TTBK2: variants seen among roughly 807,000 people sequenced by gnomAD.
TTBK2 encodes tau tubulin kinase 2, also known as tau-tubulin kinase 2.
TTBK2 carries 28 observed loss-of-function variants against 110.8 expected under a neutral mutation model. The ratio of observed to expected loss-of-function variants is 0.25; its 90% CI spans 0.19 to 0.35. The LOEUF is 0.35. Among genes scored for constraint, TTBK2 ranks in the 10% least tolerant of loss-of-function variants. TTBK2 has a pLI of 1.00. For missense variants in TTBK2, 1,369 were observed against 1,500.3 expected (o/e 0.91, Z 1.45); for synonymous variants, 532 against 527.3 (o/e 1.01, Z -0.12).
chr15:42,864,788 T>C (rs1366146260), intron 3 of TTBK2, among the ~76,000 whole-genome samples: 1 of 152,070 alleles, frequency 6.6e-6, no homozygotes, highest in East Asian at 1.9e-4. Context: ...AACCCAGATG[T>C]GAAGAAGGAA....
chr15:42,914,254 G>C (rs1377571202), intron 1 of TTBK2, among the ~76,000 whole-genome samples: 1 of 152,032 alleles, frequency 6.6e-6, no homozygotes, highest in African/African-American at 2.4e-5. Context: ...AGGATTATAG[G>C]CATGAGCCAC....
chr15:42,815,688 G>A (rs935495026), intron 7 of TTBK2, among the ~76,000 whole-genome samples: 5 of 151,140 alleles, frequency 3.3e-5, no homozygotes, highest in African/African-American at 1.2e-4. Flanking sequence ...GTCTGCACTT[G>A]AAATCTTCAT....
intron 13 of TTBK2, among the ~76,000 whole-genome samples, chr15:42,763,187 T>C (rs1889169872): frequency 3.6e-5 from 1 of 27,738 alleles, no homozygotes; most frequent in Non-Finnish European, 6.0e-5. Flanking sequence ...TATATATATA[T>C]ATATATTTTT....
intron 1 of TTBK2, among the ~76,000 whole-genome samples, chr15:42,899,363 G>T (rs1283715900): frequency 6.6e-6 from 1 of 151,846 alleles, no homozygotes; most frequent in African/African-American, 2.4e-5. Flanking sequence ...TTGGAAACCG[G>T]GGTAGGCGGA....
At chr15:42,797,181 C>T (rs900379295) in intron 9 of TTBK2, among the ~76,000 whole-genome samples, 1 of 152,232 alleles carries the variant, frequency 6.6e-6, no homozygotes, top group Non-Finnish European at 1.5e-5. Context: ...AATCCCCATA[C>T]AGGGGAGCCT....
chr15:42,915,693 T>C (rs2031042680), intron 1 of TTBK2, among the ~76,000 whole-genome samples: 1 of 152,190 alleles, frequency 6.6e-6, no homozygotes, highest in African/African-American at 2.4e-5. Flanking sequence ...ATGCCTATAA[T>C]TCCTGCACTT....
In TTBK2 at chr15:42,812,501, G is replaced by A. The variant is rs116108831; in HGVS notation, c.604-721C>T. On this transcript the variant is annotated intron_variant, in intron 7 of 14. Transcript: ENST00000267890. Reference sequence around the variant, plus strand: ...ACTTCTGGGTGATCATGCCCTGCAGGAATGACAGAAGCAAATTTATCCTCT... The same window carrying A: ...ACTTCTGGGTGATCATGCCCTGCAGAAATGACAGAAGCAAATTTATCCTCT... Among the ~76,000 whole-genome samples, 1,305 of 152,206 alleles carry A rather than the reference G, an allele frequency of 8.6e-3. 20 individuals are homozygous for A. Among genetic ancestry groups the A allele is most frequent in the African/African-American group, 0.03 (1,236 of 41,516 alleles).
intron 11 of TTBK2, among the ~76,000 whole-genome samples, chr15:42,778,358 T>C (rs767314218): frequency 2.4e-4 from 36 of 150,174 alleles, no homozygotes; most frequent in Non-Finnish European, 4.1e-4. Flanking sequence ...CCAAAGAAAT[T>C]ACCTAGAATA....
chr15:42,830,347 C>T (rs1456904515), intron 4 of TTBK2, among the ~76,000 whole-genome samples: 3 of 151,960 alleles, frequency 2.0e-5, no homozygotes, highest in African/African-American at 7.2e-5. Context: ...GCCATCATGC[C>T]CAGCAAATTT....
Position 42,878,608 on chromosome 15 carries a change from C to G in TTBK2, c.10G>C (p.Gly4Arg). 6.2e-7 allele frequency: 1 copy of G among 1,613,858 alleles called. No homozygotes were observed. The highest frequency in any genetic ancestry group is 1.7e-4 in the Middle Eastern group (1 of 6,060). Reference sequence around the variant, plus strand: ...CTCAGGATATCCAGCTGCTCTCCTCCCCCACTCATTGCAATACACTGATAT... The same window carrying G: ...CTCAGGATATCCAGCTGCTCTCCTCGCCCACTCATTGCAATACACTGATAT... Reference protein sequence around the residue: MSGGGEQLDILSVG... With the variant: MSGRGEQLDILSVG... The change falls in exon 2 of 15, where the codon GGA (glycine) becomes CGA (arginine). Residue 4 changes from glycine (G) to arginine (R), a missense_variant. Gly to Arg is a moderately radical substitution (Grantham distance 125). Coordinates refer to ENST00000267890, the MANE Select transcript of TTBK2 (RefSeq NM_173500.4).
intron 6 of TTBK2, among the ~76,000 whole-genome samples, chr15:42,821,396 ACTTTT>A (rs1384014720): frequency 6.6e-5 from 10 of 152,182 alleles, no homozygotes; most frequent in Admixed American, 6.5e-5. Context: ...AATTTGCTTT[ACTTTT>A]AATTATTGAG....
At chr15:42,862,880 C>T (rs1191688309) in intron 3 of TTBK2, among the ~76,000 whole-genome samples, 2 of 152,020 alleles carry the variant, frequency 1.3e-5, no homozygotes, top group Admixed American at 6.6e-5. Flanking sequence ...AGGAGCAAAA[C>T]TCTGTTGCAA....
chr15:42,780,189 CTTTTTTTTTT>C (rs892670301), intron 11 of TTBK2, among the ~76,000 whole-genome samples: 3 of 100,792 alleles, frequency 3.0e-5, no homozygotes, highest in South Asian at 3.6e-4. Context: ...GCCCGGCTAA[CTTTTTTTTTT>C]TTTTTTTTTT....
chr15:42,785,891 A>T (rs1890391896), intron 10 of TTBK2, among the ~76,000 whole-genome samples: 1 of 152,112 alleles, frequency 6.6e-6, no homozygotes, highest in Non-Finnish European at 1.5e-5. Context: ...GAGTGGCAAC[A>T]TCCTCTCAGT....
At position 42,811,874 on chromosome 15, in the gene TTBK2, G is replaced by A. The variant is rs1197866651; in HGVS notation, c.604-94C>T. On this transcript the variant is annotated intron_variant, in intron 7 of 14. Coordinates refer to ENST00000267890, the MANE Select transcript of TTBK2 (RefSeq NM_173500.4). ...CTAACCATTTTGTTTCACCTTATTA[G>A]GCTAAAAATGTAAATTTATTTCCCA... The A allele has an allele frequency of 3.8e-6, 4 of 1,054,648 alleles. No individual in the cohort carries two copies. The African/African-American group carries it at 6.4e-5, about 17-fold the overall frequency. The allele number at this position is 1,054,648 out of a possible 1,614,324, so 65.3% of individuals were successfully genotyped here.
intron 10 of TTBK2, among the ~76,000 whole-genome samples, chr15:42,792,210 G>T (rs541230762): frequency 6.6e-6 from 1 of 152,294 alleles, no homozygotes; most frequent in South Asian, 2.1e-4. Context: ...CCAACACAAA[G>T]AAATGATAAA....
At chr15:42,760,233 A>G (rs995813429) in intron 13 of TTBK2, among the ~76,000 whole-genome samples, 9 of 152,114 alleles carry the variant, frequency 5.9e-5, no homozygotes, top group African/African-American at 2.2e-4. Flanking sequence ...TAAAAATACA[A>G]AAATTAGCCA....
chr15:42,754,311 G>C (rs2061912206), intron 13 of TTBK2, among the ~76,000 whole-genome samples: 1 of 151,960 alleles, frequency 6.6e-6, no homozygotes, highest in South Asian at 2.1e-4. Flanking sequence ...GAACTCCTGA[G>C]CTCAAGTGAT....
At chr15:42,748,326 A>G (rs1343796551) in intron 14 of TTBK2, among the ~76,000 whole-genome samples, 1 of 152,064 alleles carries the variant, frequency 6.6e-6, no homozygotes, top group Non-Finnish European at 1.5e-5. Context: ...GTGTGGTGGC[A>G]GGTGCCTGTA....
Sources: gnomAD v4.1 joint callset for allele counts (sites outside exome capture counted in the v4.1 genomes callset) on GRCh38, gnomAD v4.1.1 for gene constraint, MANE v1.5 for transcripts, NCBI Gene and HGNC (gene_info 2026-07-23, HGNC 2026-07-21) for gene names.